Variants in ANXA4 observed in about 807,000 individuals in gnomAD.
The protein encoded by ANXA4 is 35-beta calcimedin.
In ANXA4, 39 loss-of-function variants were observed where a neutral mutation model predicts 49.8. The ratio of observed to expected loss-of-function variants is 0.78; its 90% CI spans 0.61 to 1.02. ANXA4 has a LOEUF of 1.02. Ranked by LOEUF, ANXA4 falls within the 50% of genes least tolerant of loss-of-function variation. The pLI, the probability that ANXA4 is intolerant of heterozygous loss-of-function variation, is 0.00. For missense variants in ANXA4, 360 were observed against 410.1 expected, an observed-to-expected ratio of 0.88 and a Z score of 1.05; for synonymous variants, 134 against 152.5, an observed-to-expected ratio of 0.88 and a Z score of 0.89.
At chr2:69,683,582 T>C (rs1007289490) in intron 2 of ANXA4, among the ~76,000 whole-genome samples, 2 of 152,080 alleles carry the variant, frequency 1.3e-5, no homozygotes, top group Non-Finnish European at 1.5e-5. Context: ...TGTCTTCTTC[T>C]TCCTCCTCCT....
At chr2:69,663,651 T>C (rs911368493) in intron 2 of ANXA4, among the ~76,000 whole-genome samples, 7 of 151,826 alleles carry the variant, frequency 4.6e-5, no homozygotes, top group Admixed American at 4.6e-4. Context: ...CTGGGTGACA[T>C]AGAGAGACCC....
intron 3 of ANXA4, among the ~76,000 whole-genome samples, chr2:69,725,504 T>C (rs1669940479): frequency 6.6e-6 from 1 of 151,976 alleles, no homozygotes. Flanking sequence ...CCTTTAAATG[T>C]ATTTAAAAGT....
At chr2:69,721,092 A>T (rs1025064587) in intron 3 of ANXA4, among the ~76,000 whole-genome samples, 2 of 152,278 alleles carry the variant, frequency 1.3e-5, no homozygotes, top group African/African-American at 4.8e-5. Flanking sequence ...CTGGGCCTGC[A>T]TGCCCCCATG....
At chr2:69,655,888 G>A (rs1466689174) in intron 2 of ANXA4, among the ~76,000 whole-genome samples, 2 of 152,122 alleles carry the variant, frequency 1.3e-5, no homozygotes, top group Non-Finnish European at 2.9e-5. Context: ...GAACATGGAT[G>A]AAGCTGGAAA....
upstream of ANXA4, chr2:69,643,961 A>G: frequency 9.9e-7 from 1 of 1,012,816 alleles, no homozygotes; most frequent in Non-Finnish European, 1.2e-6. Flanking sequence ...GACTGTTGAT[A>G]TCACCCGAGC....
At chr2:69,741,967 G>A (rs963332265), upstream of ANXA4, 1 of 152,242 alleles carries the variant, frequency 6.6e-6, no homozygotes, top group Non-Finnish European at 1.5e-5. Context: ...CTCTCCGAGA[G>A]CTCCTGGCGC....
At chr2:69,661,854 T>C (rs1676735485) in intron 2 of ANXA4, among the ~76,000 whole-genome samples, 1 of 152,058 alleles carries the variant, frequency 6.6e-6, no homozygotes. Context: ...GCATCCCCAA[T>C]ACTGCACAGC....
intron 3 of ANXA4, among the ~76,000 whole-genome samples, chr2:69,721,940 G>C (rs905903350): frequency 6.6e-6 from 1 of 152,162 alleles, no homozygotes; most frequent in Non-Finnish European, 1.5e-5. Context: ...GAAAGGTTTG[G>C]ATTTGAATCC....
At chr2:69,773,486 A>G (rs1438277853) in intron 1 of ANXA4, among the ~76,000 whole-genome samples, 4 of 152,208 alleles carry the variant, frequency 2.6e-5, no homozygotes, top group Admixed American at 2.6e-4. Context: ...TTCACATGAC[A>G]TGAAACAGGG....
intron 6 of ANXA4, 53 bp downstream of exon 6, chr2:69,808,049 G>A (rs1167998383): frequency 6.5e-7 from 1 of 1,535,510 alleles, no homozygotes; most frequent in Non-Finnish European, 9.0e-7. Context: ...ATTAGAGAAT[G>A]AGGGTAGCAG....
chr2:69,727,445 G>C (rs1447062786), intron 3 of ANXA4, among the ~76,000 whole-genome samples: 7 of 151,992 alleles, frequency 4.6e-5, no homozygotes, highest in Non-Finnish European at 1.0e-4. Flanking sequence ...TGGACATTCT[G>C]GTGTGTGCAG....
At chr2:69,649,924 A>ATTTTTTTTT (rs35212855) in intron 1 of ANXA4, among the ~76,000 whole-genome samples, 14 of 52,014 alleles carry the variant, frequency 2.7e-4, no homozygotes, top group Non-Finnish European at 4.0e-4. Context: ...GCCTGGCCTG[A>ATTTTTTTTT]TTTTTTTTTT....
At chr2:69,664,239 C>T (rs1205700935) in intron 2 of ANXA4, among the ~76,000 whole-genome samples, 2 of 152,162 alleles carry the variant, frequency 1.3e-5, no homozygotes, top group African/African-American at 4.8e-5. Context: ...CAGACACGTA[C>T]AATTTCAAAA....
In ANXA4 at chr2:69,810,614, G is replaced by T. The variant is rs151115675; in HGVS notation, c.418G>T (p.Asp140Tyr). ...GCTAGAATATGGACGGAGCCTTGAA[G>T]ATGACATTCGCTCTGACACATCGTT... is the stretch of plus-strand genomic sequence containing the variant. ...YQQQYGRSLE[D>Y]DIRSDTSFMF... Residue 140 changes from aspartate to tyrosine, a missense_variant, in exon 7 of 13, where the codon GAT becomes TAT. Physicochemically the swap from Asp to Tyr is radical, Grantham distance 160. Coordinates refer to ENST00000394295, the MANE Select transcript of ANXA4 (RefSeq NM_001153.5). 71 of 1,614,140 alleles carry T rather than the reference G, an allele frequency of 4.4e-5. No individual in the cohort carries two copies. The Admixed American group carries it at 1.1e-3, about 25-fold the overall frequency.
At chr2:69,699,321 T>C (rs768874203) in intron 2 of ANXA4, among the ~76,000 whole-genome samples, 9 of 152,210 alleles carry the variant, frequency 5.9e-5, no homozygotes, top group Non-Finnish European at 1.2e-4. Context: ...AAAGCACATG[T>C]GAAAAGTTAG....
intron 1 of ANXA4, among the ~76,000 whole-genome samples, chr2:69,758,715 A>G (rs1273807193): frequency 6.6e-6 from 1 of 152,258 alleles, no homozygotes; most frequent in East Asian, 1.9e-4. Flanking sequence ...TGAGCAAGCA[A>G]GCTAACTTAT....
intron 1 of ANXA4, among the ~76,000 whole-genome samples, chr2:69,746,932 A>C (rs190694252): frequency 2.6e-5 from 4 of 152,124 alleles, no homozygotes; most frequent in Non-Finnish European, 5.9e-5. Context: ...CAGGAGGCAA[A>C]GGTTGCAGTG....
At chr2:69,684,361 A>G (rs892018884) in intron 2 of ANXA4, among the ~76,000 whole-genome samples, 2 of 152,220 alleles carry the variant, frequency 1.3e-5, no homozygotes, top group African/African-American at 2.4e-5. Flanking sequence ...GCTCCAAATA[A>G]GTTCACATTA....
intron 2 of ANXA4, among the ~76,000 whole-genome samples, chr2:69,684,869 T>A (rs1383058498): frequency 6.6e-6 from 1 of 152,102 alleles, no homozygotes; most frequent in African/African-American, 2.4e-5. Flanking sequence ...AGAAAGAGCA[T>A]AAACTTTGGT....
Sources: gnomAD v4.1 joint callset for allele counts (sites outside exome capture counted in the v4.1 genomes callset) on GRCh38, gnomAD v4.1.1 for gene constraint, MANE v1.5 for transcripts, NCBI Gene and HGNC (gene_info 2026-07-23, HGNC 2026-07-21) for gene names.